Variants in DPP6 observed in about 807,000 individuals in gnomAD.
DPP6 encodes the protein A-type potassium channel modulatory protein DPP6.
DPP6 carries 69 observed loss-of-function variants against 122.6 expected under a neutral mutation model. The observed-to-expected ratio is 0.56, with a 90% CI of 0.46 to 0.69. The LOEUF (loss-of-function observed/expected upper bound fraction) is 0.69, where lower values mean the gene tolerates loss of function less well. Ranked by LOEUF, DPP6 falls within the 30% of genes least tolerant of loss-of-function variation. DPP6 has a pLI of 0.00. For missense variants in DPP6, 928 were observed against 1,116.9 expected, an observed-to-expected ratio of 0.83 and a Z score of 2.41; for synonymous variants, 418 against 433.1, an observed-to-expected ratio of 0.97 and a Z score of 0.43.
intron 3 of DPP6, among the ~76,000 whole-genome samples, chr7:154,517,521 G>A (rs749795896): frequency 1.7e-4 from 26 of 152,060 alleles, no homozygotes; most frequent in Middle Eastern, 3.2e-3. Context: ...GCATTAGTGA[G>A]GTAGGCCTGT....
intron 1 of DPP6, among the ~76,000 whole-genome samples, chr7:154,016,404 T>TA (rs1419056627): frequency 6.6e-6 from 1 of 151,948 alleles, no homozygotes; most frequent in East Asian, 1.9e-4. Context: ...GGTTTATTTT[T>TA]TTTTTTTTTC....
At position 154,879,304 on chromosome 7, in the gene DPP6, G is replaced by T. The variant is rs1805148799; in HGVS notation, c.2079-1584G>T. On this transcript the variant is annotated intron_variant, in intron 20 of 25. Coordinates refer to ENST00000377770, the MANE Select transcript of DPP6 (RefSeq NM_130797.4). ...CTATTAAAAACACAAAAATCGGCCG[G>T]GCGCGGTGGCTCACGCCTGTAATCC... 1.5e-5 allele frequency among the ~76,000 whole-genome samples: 2 copies of T among 137,534 alleles called. 1 individual carries two copies. The highest frequency in any genetic ancestry group is 1.5e-4 in the Admixed American group (2 of 13,214). 90.2% of individuals were successfully genotyped at this position (137,534 alleles called of 152,430 possible).
intron 1 of DPP6, among the ~76,000 whole-genome samples, chr7:154,393,407 T>G (rs1035690080): frequency 6.6e-6 from 1 of 152,224 alleles, no homozygotes; most frequent in African/African-American, 2.4e-5. Flanking sequence ...GACTTTTCTT[T>G]AAGCATAAGT....
intron 5 of DPP6, among the ~76,000 whole-genome samples, chr7:154,621,923 CTG>C (rs1425887843): frequency 1.3e-5 from 2 of 152,208 alleles, no homozygotes; most frequent in African/African-American, 4.8e-5. Flanking sequence ...AAAGTACTAA[CTG>C]TGCAAACGTG....
intron 6 of DPP6, among the ~76,000 whole-genome samples, chr7:154,653,507 T>C (rs1449807005): frequency 2.0e-5 from 3 of 152,078 alleles, no homozygotes; most frequent in African/African-American, 7.2e-5. Context: ...GATAGATAGA[T>C]AATAGATAAA....
At chr7:154,194,995 A>G (rs1585601194) in intron 1 of DPP6, among the ~76,000 whole-genome samples, 1 of 152,132 alleles carries the variant, frequency 6.6e-6, no homozygotes, top group Non-Finnish European at 1.5e-5. Flanking sequence ...CATTTTGATG[A>G]CGTCCAGTTT....
chr7:154,842,692 A>G (rs532772083), intron 16 of DPP6, among the ~76,000 whole-genome samples: 1 of 152,312 alleles, frequency 6.6e-6, no homozygotes, highest in Admixed American at 6.5e-5. Flanking sequence ...CCTTCCAGGA[A>G]CAATATAAAT....
intron 3 of DPP6, among the ~76,000 whole-genome samples, chr7:154,511,464 G>C (rs1218757837): frequency 6.6e-6 from 1 of 152,152 alleles, no homozygotes; most frequent in African/African-American, 2.4e-5. Context: ...TTTTGCATTG[G>C]TGATATTTTA....
intron 6 of DPP6, among the ~76,000 whole-genome samples, chr7:154,649,433 T>C (rs1006644326): frequency 6.6e-6 from 1 of 152,208 alleles, no homozygotes; most frequent in African/African-American, 2.4e-5. Flanking sequence ...AAATGCACCT[T>C]TAACTAGATT....
intron 5 of DPP6, among the ~76,000 whole-genome samples, chr7:154,635,254 C>T (rs758141541): frequency 5.4e-4 from 82 of 152,094 alleles, no homozygotes; most frequent in Non-Finnish European, 8.5e-4. Context: ...ATATGTGGTA[C>T]GTGCTCCATA....
intron 8 of DPP6, among the ~76,000 whole-genome samples, chr7:154,758,999 C>G (rs1409718323): frequency 6.6e-6 from 1 of 152,162 alleles, no homozygotes; most frequent in African/African-American, 2.4e-5. Flanking sequence ...CTTCTCTTTA[C>G]TAGGGCAGAT....
intron 1 of DPP6, among the ~76,000 whole-genome samples, chr7:154,364,560 T>C (rs920238310): frequency 6.6e-6 from 1 of 151,782 alleles, no homozygotes; most frequent in African/African-American, 2.4e-5. Context: ...GGGTGGGGGG[T>C]TGCATTCTGG....
At chr7:154,596,398 C>T (rs907731596) in intron 5 of DPP6, among the ~76,000 whole-genome samples, 1 of 152,158 alleles carries the variant, frequency 6.6e-6, no homozygotes, top group Non-Finnish European at 1.5e-5. Context: ...TCCGCTGACG[C>T]GGGAACACGG....
At chr7:154,523,692 AC>A (rs1339550277) in intron 3 of DPP6, among the ~76,000 whole-genome samples, 1 of 152,192 alleles carries the variant, frequency 6.6e-6, no homozygotes, top group Non-Finnish European at 1.5e-5. Flanking sequence ...ATTTCACAAT[AC>A]ACCTGGATTA....
intron 1 of DPP6, among the ~76,000 whole-genome samples, chr7:154,138,287 TGTAAA>T (rs1795679481): frequency 6.6e-6 from 1 of 152,236 alleles, no homozygotes; most frequent in Non-Finnish European, 1.5e-5. Context: ...GTACTATTTA[TGTAAA>T]GTAGACACTT....
At chr7:154,547,842 A>G (rs1829319350) in intron 4 of DPP6, among the ~76,000 whole-genome samples, 1 of 151,998 alleles carries the variant, frequency 6.6e-6, no homozygotes, top group African/African-American at 2.4e-5. Context: ...TTACTACAAG[A>G]TAGAACAGAA....
At chr7:154,883,842 TACACACATGCTCACATGATTAC>T in intron 21 of DPP6, 1 of 117,136 alleles carries the variant, frequency 8.5e-6, no homozygotes, top group East Asian at 3.6e-4. Context: ...TGCTCACCCA[TACACACATGCTCACATGATTAC>T]ACATGCTCCC....
chr7:153,756,229 G>A, the DPP6 span, among the ~76,000 whole-genome samples: 3 of 151,398 alleles, frequency 2.0e-5, no homozygotes, highest in Non-Finnish European at 4.4e-5. Flanking sequence ...ATTGGTATCT[G>A]TCGTTTTCCA....
At chr7:154,440,736 A>G (rs1207316171) in intron 1 of DPP6, among the ~76,000 whole-genome samples, 1 of 152,190 alleles carries the variant, frequency 6.6e-6, no homozygotes, top group Non-Finnish European at 1.5e-5. Flanking sequence ...TGAGAGAAAT[A>G]ATTTACTTCA....
Sources: allele counts gnomAD v4.1 joint callset (sites outside exome capture counted in the v4.1 genomes callset), GRCh38; gene constraint gnomAD v4.1.1; transcripts MANE v1.5; gene names NCBI Gene and HGNC (gene_info 2026-07-23, HGNC 2026-07-21).